The following ACTR6 variants were observed in gnomAD, a reference collection of about 807,000 sequenced individuals.
ACTR6 encodes the protein actin related protein 6.
In ACTR6, 50 loss-of-function variants were observed where a neutral mutation model predicts 52.5. That is an observed-to-expected ratio of 0.95 (90% CI 0.76 to 1.20). The LOEUF (loss-of-function observed/expected upper bound fraction) is 1.20, where lower values mean the gene tolerates loss of function less well. ACTR6 is among the 50% of genes most tolerant of loss of function. The pLI, the probability that ACTR6 is intolerant of heterozygous loss-of-function variation, is 0.00. For synonymous variants in ACTR6, 135 were observed against 147.2 expected (o/e 0.92, Z 0.60); for missense variants, 344 against 472.4 (o/e 0.73, Z 2.52).
chr12:100,209,743 C>T (rs2096118288), intron 4 of ACTR6, among the ~76,000 whole-genome samples: 1 of 152,158 alleles, frequency 6.6e-6, no homozygotes, highest in Admixed American at 6.5e-5. Flanking sequence ...CACACACACT[C>T]ATTATACAGA....
At position 100,204,585 on chromosome 12, in the gene ACTR6, G is replaced by C. The variant is rs373930368; in HGVS notation, c.69-355G>C. On this transcript the variant is annotated intron_variant, in intron 1 of 10. Coordinates refer to ENST00000188312, the MANE Select transcript of ACTR6 (RefSeq NM_022496.5). ...TCACCCTGTTGGCCAGGCTGGTCTC[G>C]AACTCCTGACCTCAAGTGATCCATC... Among the ~76,000 whole-genome samples, 46 of 152,144 alleles carry C rather than the reference G, an allele frequency of 3.0e-4. No individual in the cohort carries two copies. The South Asian group carries it at 7.5e-3, about 25-fold the overall frequency.
chr12:100,211,750 G>C (rs576614050), intron 6 of ACTR6, among the ~76,000 whole-genome samples: 1 of 151,870 alleles, frequency 6.6e-6, no homozygotes, highest in African/African-American at 2.4e-5. Flanking sequence ...GCAGTGGCTC[G>C]CATCTGTAAT....
Position 100,210,307 on chromosome 12 carries a change from A to T in ACTR6, c.528A>T (p.Gly176=), listed in dbSNP as rs2096118777. The change falls in exon 6 of 11, where the codon GGA becomes GGT. Residue 176 remains glycine, a synonymous_variant. Coordinates refer to ENST00000188312, the MANE Select transcript of ACTR6 (RefSeq NM_022496.5). ...TCTCCCCTTGCAGGATAAATGTGGG[A>T]GGAAAACTCTTAACCAATCATCTAA... ...KKEAIIRINV[G]GKLLTNHLKE... The T allele has an allele frequency of 1.9e-6, 3 of 1,613,954 alleles. No homozygotes were observed. The highest frequency in any genetic ancestry group is 1.7e-6 in the Non-Finnish European group (2 of 1,179,966).
At chr12:100,212,122 A>G (rs1787651644) in intron 6 of ACTR6, 134 bp from the exon 7 acceptor site, 6 of 609,864 alleles carry the variant, frequency 9.8e-6, no homozygotes. Context: ...AGTTAAAATT[A>G]TTTTACACAT....
At chr12:100,219,556 T>C (rs2096126470) in intron 9 of ACTR6, among the ~76,000 whole-genome samples, 2 of 152,216 alleles carry the variant, frequency 1.3e-5, no homozygotes, top group African/African-American at 4.8e-5. Context: ...AATGAGATAA[T>C]GTGGAGATTT....
chr12:100,216,186 C>T (rs1004672808), intron 8 of ACTR6, among the ~76,000 whole-genome samples: 2 of 152,346 alleles, frequency 1.3e-5, no homozygotes, highest in East Asian at 1.9e-4. Flanking sequence ...GACGGAGTCT[C>T]GTTCTATAGC....
chr12:100,209,021 A>G (rs2096117584), intron 4 of ACTR6: 3 of 297,968 alleles, frequency 1.0e-5, no homozygotes, highest in South Asian at 8.4e-5. Context: ...TGCTGGGATT[A>G]TTGGCATAAG....
rs2153901714 is a variant in ACTR6, at chr12:100,224,115, G to A, written c.*200G>A. 1 of 443,150 alleles carries A rather than the reference G, an allele frequency of 2.3e-6. No individual in the cohort carries two copies. The highest frequency in any genetic ancestry group is 4.5e-5 in the East Asian group (1 of 22,454). The allele number at this position is 443,150 out of a possible 1,614,324, so 27.5% of individuals were successfully genotyped here. On this transcript the variant is annotated 3_prime_UTR_variant, in exon 11 of 11. Coordinates refer to ENST00000188312, the MANE Select transcript of ACTR6 (RefSeq NM_022496.5). ...TAACTCAGTCCACATTTTCATTTAG[G>A]AGCTAGACTACCATAACAATGCTTA...
chr12:100,219,690 GT>G (rs200154776), intron 9 of ACTR6, among the ~76,000 whole-genome samples: 1 of 151,748 alleles, frequency 6.6e-6, no homozygotes, highest in Non-Finnish European at 1.5e-5. Flanking sequence ...ATTACCAACT[GT>G]TTTTTTTACT....
intron 1 of ACTR6, 139 bp downstream of exon 1, chr12:100,201,058 T>G: frequency 1.3e-6 from 2 of 1,521,736 alleles, no homozygotes; most frequent in South Asian, 2.4e-5. Flanking sequence ...TGGTTGGAGC[T>G]GGGTGGGTGA....
chr12:100,203,122 G>A (rs570752044), intron 1 of ACTR6, among the ~76,000 whole-genome samples: 1 of 152,272 alleles, frequency 6.6e-6, no homozygotes, highest in South Asian at 2.1e-4. Flanking sequence ...CTGACAGGAA[G>A]TGCAATTTAG....
intron 8 of ACTR6, among the ~76,000 whole-genome samples, chr12:100,216,720 T>A (rs946877448): frequency 6.6e-6 from 1 of 152,246 alleles, no homozygotes; most frequent in African/African-American, 2.4e-5. Context: ...TGGCTGGAAT[T>A]TAATGAATTT....
intron 10 of ACTR6, among the ~76,000 whole-genome samples, 155 bp from the exon 11 acceptor site, chr12:100,223,631 T>A (rs1453000513): frequency 6.6e-6 from 1 of 152,228 alleles, no homozygotes; most frequent in Non-Finnish European, 1.5e-5. Context: ...TTTCTGTACC[T>A]TAAACAATTT....
chr12:100,210,038 T>C (rs1038099475), intron 4 of ACTR6, 35 bp from the exon 5 acceptor site: 9 of 1,545,994 alleles, frequency 5.8e-6, no homozygotes, highest in Admixed American at 4.3e-5. Flanking sequence ...ATTAGTGTTA[T>C]ATTTTTGTTC....
At position 100,212,106 on chromosome 12, in the gene ACTR6, C is replaced by A. The variant is rs2096120345; in HGVS notation, c.573-150C>A. 5.2e-6 allele frequency: 3 copies of A among 579,014 alleles called. No homozygotes were observed. In the Admixed American group the frequency reaches 1.0e-4, roughly 20 times the overall value. 35.9% of individuals were successfully genotyped at this position (579,014 alleles called of 1,614,324 possible). A position where few individuals can be genotyped will look rare whatever the true frequency, so the allele number is the denominator to read the frequency against. ...GGAAATTAATGGAAGTGACAGTATT[C>A]CATAAAGTTAAAATTATTTTACACA... is the stretch of plus-strand genomic sequence containing the variant. On this transcript the variant is annotated intron_variant, in intron 6 of 10. Transcript: ENST00000188312.
At chr12:100,212,565 G>A in intron 8 of ACTR6, 37 bp downstream of exon 8, 2 of 1,509,648 alleles carry the variant, frequency 1.3e-6, no homozygotes, top group Non-Finnish European at 1.8e-6. Flanking sequence ...GGTTGCTGCG[G>A]CTCCTGTCTA....
Position 100,218,676 on chromosome 12 carries a change from G to T in ACTR6, c.922+90G>T. The T allele has an allele frequency of 1.2e-6, 1 of 849,008 alleles. No individual in the cohort carries two copies. Among genetic ancestry groups the T allele is most frequent in the Non-Finnish European group, 1.6e-6 (1 of 624,968 alleles). The allele number at this position is 849,008 out of a possible 1,614,324, so 52.6% of individuals were successfully genotyped here. On this transcript the variant is annotated intron_variant, in intron 9 of 10. Transcript: ENST00000188312. This position sits in a 1 kb window ranked among gnomAD's most constrained non-coding sequence, Gnocchi z 4.2. ...ACCCTGTTTCCTCTAAATAATTTCAGGCAAATTGGTGAGTCTGTTTTATTT... is the reference window on the plus strand; with the variant it reads ...ACCCTGTTTCCTCTAAATAATTTCATGCAAATTGGTGAGTCTGTTTTATTT...
chr12:100,219,652 C>T (rs190932841), intron 9 of ACTR6, among the ~76,000 whole-genome samples: 42 of 152,274 alleles, frequency 2.8e-4, no homozygotes, highest in African/African-American at 8.9e-4. Context: ...GAACCACCCC[C>T]CTTCCATTTT....
intron 1 of ACTR6, chr12:100,201,191 G>A: frequency 1.4e-6 from 1 of 737,222 alleles, no homozygotes; most frequent in Non-Finnish European, 1.9e-6. Flanking sequence ...ATAGAGATGC[G>A]TTCCTGACAG....
Sources: gnomAD v4.1 joint callset for allele counts (sites outside exome capture counted in the v4.1 genomes callset) on GRCh38, gnomAD v4.1.1 for gene constraint, Gnocchi (gnomAD v3.1) non-coding constraint, MANE v1.5 for transcripts, NCBI Gene and HGNC (gene_info 2026-07-23, HGNC 2026-07-21) for gene names.